PBRM1: variants seen among roughly 807,000 people sequenced by gnomAD.
PBRM1 encodes the protein protein polybromo-1.
In PBRM1, 27 loss-of-function variants were observed where a neutral mutation model predicts 194.5. The ratio of observed to expected loss-of-function variants is 0.14; its 90% CI spans 0.10 to 0.19. The LOEUF is 0.19. Among genes scored for constraint, PBRM1 ranks in the 10% least tolerant of loss-of-function variants. The pLI is 1.00. For synonymous variants in PBRM1, 655 were observed against 693.2 expected, an observed-to-expected ratio of 0.94 and a Z score of 0.87; for missense variants, 1,466 against 2,077.2, an observed-to-expected ratio of 0.71 and a Z score of 5.72.
chr3:52,552,436 C>T (rs2081203414), intron 27 of PBRM1, among the ~76,000 whole-genome samples: 1 of 152,164 alleles, frequency 6.6e-6, no homozygotes, highest in African/African-American at 2.4e-5. Context: ...TTCCCTGACT[C>T]CTGGCTTCTT....
At chr3:52,642,827 C>T (rs2096151859) in intron 9 of PBRM1, among the ~76,000 whole-genome samples, 1 of 149,648 alleles carries the variant, frequency 6.7e-6, no homozygotes, top group Non-Finnish European at 1.5e-5. Flanking sequence ...CCCTCTGTTG[C>T]CCTGGCTGGA....
intron 15 of PBRM1, among the ~76,000 whole-genome samples, chr3:52,612,922 A>AG (rs1165450824): frequency 6.6e-6 from 1 of 151,624 alleles, no homozygotes; most frequent in African/African-American, 2.4e-5. Flanking sequence ...AAAAAAAAAA[A>AG]GAGTATAATA....
At chr3:52,663,409 A>G (rs1378031382) in intron 3 of PBRM1, among the ~76,000 whole-genome samples, 2 of 152,196 alleles carry the variant, frequency 1.3e-5, no homozygotes, top group East Asian at 3.9e-4. Flanking sequence ...ATTCATGCCT[A>G]TCTCAAACCA....
Position 52,561,984 on chromosome 3 carries a change from G to C in PBRM1, c.4087-16C>G. On this transcript the variant is annotated splice_polypyrimidine_tract_variant and intron_variant, in intron 24 of 29. Transcript: ENST00000296302. ...TTGGGGTAGACTGTAAGACAGAAAG[G>C]TCTTATGGTGCATCAAAACATTACA... 1 of 1,594,052 alleles carries C rather than the reference G, an allele frequency of 6.3e-7. No individual in the cohort carries two copies.
chr3:52,546,950 A>G, downstream of PBRM1: 1 of 233,232 alleles, frequency 4.3e-6, no homozygotes, highest in Non-Finnish European at 8.5e-6. Flanking sequence ...GAAAAAATAC[A>G]TCTGATAATA....
At chr3:52,616,547 G>C (rs2094962917) in intron 14 of PBRM1, among the ~76,000 whole-genome samples, 1 of 152,122 alleles carries the variant, frequency 6.6e-6, no homozygotes, top group African/African-American at 2.4e-5. Flanking sequence ...CAAAAAATTA[G>C]CTGGGCGTGG....
chr3:52,676,160 T>C lies in PBRM1; in HGVS notation c.236+2340A>G, dbSNP rs1257658328. ...AAAAAAAAAAAAAAAAAATAATGAA[T>C]GAAGCGGGATCCTTACCTAAACACT... On this transcript the variant is annotated intron_variant, in intron 2 of 29. Coordinates refer to ENST00000296302, the Ensembl canonical transcript of PBRM1. Among the ~76,000 whole-genome samples the C allele has an allele frequency of 1.7e-5, 2 of 116,596 alleles. 1 individual carries two copies. Among genetic ancestry groups the C allele is most frequent in the Non-Finnish European group, 3.6e-5 (2 of 55,182 alleles). 76.5% of individuals were successfully genotyped at this position (116,596 alleles called of 152,430 possible).
intron 3 of PBRM1, among the ~76,000 whole-genome samples, chr3:52,663,967 G>A (rs1030574008): frequency 2.6e-5 from 4 of 151,918 alleles, no homozygotes; most frequent in Admixed American, 1.3e-4. Context: ...GGCTGAGGCA[G>A]GAGAATGGCG....
At chr3:52,661,119 G>C (rs1250186765) in intron 4 of PBRM1, among the ~76,000 whole-genome samples, 1 of 151,976 alleles carries the variant, frequency 6.6e-6, no homozygotes, top group Non-Finnish European at 1.5e-5. Flanking sequence ...TCCACCTCCT[G>C]GGTTCAAGCG....
chr3:52,584,693 C>T (rs1041962218), intron 20 of PBRM1, among the ~76,000 whole-genome samples: 2 of 151,864 alleles, frequency 1.3e-5, no homozygotes, highest in African/African-American at 2.4e-5. Flanking sequence ...TGGACTCAAG[C>T]GATCCACCTG....
At chr3:52,546,389 A>T (rs1370322244), downstream of PBRM1, 3 of 229,378 alleles carry the variant, frequency 1.3e-5, no homozygotes, top group Admixed American at 1.1e-4. Context: ...ACATTTTTTT[A>T]AATTCAATAT....
At chr3:52,565,756 T>C (rs2084976975) in intron 22 of PBRM1, among the ~76,000 whole-genome samples, 1 of 151,850 alleles carries the variant, frequency 6.6e-6, no homozygotes, top group African/African-American at 2.4e-5. Flanking sequence ...AATAGGCACA[T>C]GAAACAATGC....
intron 11 of PBRM1, among the ~76,000 whole-genome samples, chr3:52,632,125 G>A (rs1298397245): frequency 6.6e-6 from 1 of 152,056 alleles, no homozygotes; most frequent in Non-Finnish European, 1.5e-5. Flanking sequence ...AGACCCTGCT[G>A]TTTTTACAGA....
chr3:52,653,804 G>A (rs962519717), intron 5 of PBRM1, among the ~76,000 whole-genome samples: 5 of 151,920 alleles, frequency 3.3e-5, no homozygotes, highest in African/African-American at 1.2e-4. Context: ...CAGCTACTCA[G>A]GAGGCTGAGG....
At chr3:52,596,483 A>C (rs1576410242) in intron 17 of PBRM1, among the ~76,000 whole-genome samples, 1 of 143,316 alleles carries the variant, frequency 7.0e-6, no homozygotes, top group Non-Finnish European at 1.5e-5. Context: ...AAAAAAAAGA[A>C]ATGTATCCTA....
intron 26 of PBRM1, among the ~76,000 whole-genome samples, chr3:52,556,432 C>A (rs1287351652): frequency 1.3e-5 from 2 of 152,132 alleles, no homozygotes; most frequent in East Asian, 1.9e-4. Context: ...TTTAACCACA[C>A]CACCAGTTAT....
chr3:52,660,820 G>T (rs1165113147), intron 4 of PBRM1, among the ~76,000 whole-genome samples: 2 of 151,636 alleles, frequency 1.3e-5, no homozygotes, highest in Non-Finnish European at 2.9e-5. Context: ...ACTAGGAACT[G>T]TATTTTGAGA....
chr3:52,656,811 C>G (rs958514321), intron 5 of PBRM1, among the ~76,000 whole-genome samples: 1 of 152,132 alleles, frequency 6.6e-6, no homozygotes, highest in South Asian at 2.1e-4. Context: ...AGCCTGTATA[C>G]CCAGCTACTT....
intron 19 of PBRM1, 111 bp from the exon 22 acceptor site, chr3:52,586,799 A>G (rs1560101675): frequency 3.9e-6 from 3 of 761,374 alleles, no homozygotes; most frequent in Non-Finnish European, 6.3e-6. Flanking sequence ...CAAAAGCTGA[A>G]CTGATTACAG....
Sources: gnomAD v4.1 joint callset for allele counts (sites outside exome capture counted in the v4.1 genomes callset) on GRCh38, gnomAD v4.1.1 for gene constraint, MANE v1.5 for transcripts, NCBI Gene and HGNC (gene_info 2026-07-23, HGNC 2026-07-21) for gene names.